The following PDE8B variants were observed in gnomAD, a reference collection of about 807,000 sequenced individuals.
The protein encoded by PDE8B is high affinity cAMP-specific and IBMX-insensitive 3',5'-cyclic phosphodiesterase 8B.
Under a neutral mutation model 101.3 loss-of-function variants are expected in PDE8B, and 26 were observed. That is an observed-to-expected ratio of 0.26 (90% CI 0.19 to 0.36). The LOEUF is 0.36. Among genes scored for constraint, PDE8B ranks in the 10% least tolerant of loss-of-function variants. The pLI is 1.00. For synonymous variants in PDE8B, 424 were observed against 429.3 expected (o/e 0.99, Z 0.15); for missense variants, 810 against 1,163.1 (o/e 0.70, Z 4.42).
intron 1 of PDE8B, among the ~76,000 whole-genome samples, chr5:77,272,845 G>C (rs536244530): frequency 2.6e-5 from 4 of 152,242 alleles, no homozygotes; most frequent in Admixed American, 1.3e-4. Context: ...TGCTGGGAAG[G>C]GAGGGTGAGA....
intron 1 of PDE8B, among the ~76,000 whole-genome samples, chr5:77,300,985 T>C (rs964528358): frequency 1.3e-5 from 2 of 152,262 alleles, no homozygotes; most frequent in Admixed American, 1.3e-4. Flanking sequence ...GTGAGATTGG[T>C]TTTTAAATGG....
the PDE8B span, among the ~76,000 whole-genome samples, chr5:77,198,326 A>G: frequency 1.3e-5 from 2 of 152,302 alleles, no homozygotes; most frequent in East Asian, 3.9e-4. Flanking sequence ...GTTTGCTTAC[A>G]GCTTTTCAGT....
chr5:77,155,589 GAT>G, the PDE8B span, among the ~76,000 whole-genome samples: 103 of 152,356 alleles, frequency 6.8e-4, no homozygotes, highest in African/African-American at 2.4e-3. Context: ...TTGTGGTAAA[GAT>G]GAAAGGTATG....
the PDE8B span, among the ~76,000 whole-genome samples, chr5:77,109,048 T>C: frequency 6.6e-6 from 1 of 152,210 alleles, no homozygotes; most frequent in Non-Finnish European, 1.5e-5. Flanking sequence ...TTGCCTCTGA[T>C]TATTTGTCTT....
the PDE8B span, among the ~76,000 whole-genome samples, chr5:77,172,382 G>A: frequency 6.6e-6 from 1 of 152,212 alleles, no homozygotes; most frequent in Non-Finnish European, 1.5e-5. Flanking sequence ...AGTCAAAGTT[G>A]GGGTAAGGAG....
chr5:77,428,193 A>AT lies in PDE8B; in HGVS notation c.*1644dup, dbSNP rs1403900310. ...TACTTGTAACTAAATTCCTACAGCC[A>AT]TTTTTCACTCCCAACAGCTGTTTTT... On this transcript the variant is annotated 3_prime_UTR_variant, in exon 22 of 22. Transcript: ENST00000264917. 2 of 152,116 alleles carry AT rather than the reference A, an allele frequency of 1.3e-5. No individual in the cohort carries two copies. The highest frequency in any genetic ancestry group is 6.5e-5 in the Admixed American group (1 of 15,274). The allele number at this position is 152,116 out of a possible 1,614,324, so 9.4% of individuals were successfully genotyped here.
At chr5:77,386,378 G>A (rs989012635) in intron 10 of PDE8B, among the ~76,000 whole-genome samples, 5 of 152,152 alleles carry the variant, frequency 3.3e-5, no homozygotes, top group African/African-American at 7.2e-5. Context: ...ACAGTGGGGC[G>A]TTAAAGTCTC....
At chr5:77,129,210 A>G in the PDE8B span, among the ~76,000 whole-genome samples, 1 of 152,230 alleles carries the variant, frequency 6.6e-6, no homozygotes, top group Admixed American at 6.5e-5. Context: ...AGATGTGATT[A>G]TTAGACTGTC....
At chr5:77,312,128 G>A in intron 2 of PDE8B, 75 bp downstream of exon 2, 2 of 963,634 alleles carry the variant, frequency 2.1e-6, no homozygotes, top group Non-Finnish European at 3.2e-6. Context: ...TTTTGAGATG[G>A]AGCCTCCTTC....
chr5:77,321,924 A>T (rs573259739), intron 2 of PDE8B, among the ~76,000 whole-genome samples: 1 of 152,256 alleles, frequency 6.6e-6, no homozygotes, highest in Non-Finnish European at 1.5e-5. Context: ...AAAAATCATT[A>T]CAGTTCCCAG....
chr5:77,308,602 G>C (rs1771800680), intron 1 of PDE8B, among the ~76,000 whole-genome samples: 1 of 152,162 alleles, frequency 6.6e-6, no homozygotes, highest in Non-Finnish European at 1.5e-5. Flanking sequence ...ATGAGAGAAA[G>C]TCGTAGGGTC....
At chr5:77,093,337 T>A in the PDE8B span, among the ~76,000 whole-genome samples, 1 of 152,240 alleles carries the variant, frequency 6.6e-6, no homozygotes, top group African/African-American at 2.4e-5. Flanking sequence ...AGGAATTTGT[T>A]GGTTTCATCA....
At chr5:77,180,487 G>A in the PDE8B span, 1 of 985,408 alleles carries the variant, frequency 1.0e-6, no homozygotes, top group Non-Finnish European at 1.2e-6. Flanking sequence ...CGCGTGCCAG[G>A]TGAGCCCCCA....
intron 1 of PDE8B, among the ~76,000 whole-genome samples, chr5:77,263,926 A>G (rs957107118): frequency 3.9e-5 from 6 of 152,152 alleles, no homozygotes; most frequent in African/African-American, 9.7e-5. Flanking sequence ...ATTAGCAGTC[A>G]CTACCCATTT....
chr5:77,421,506 C>G (rs947124668), intron 19 of PDE8B, among the ~76,000 whole-genome samples: 8 of 151,982 alleles, frequency 5.3e-5, no homozygotes, highest in Admixed American at 3.3e-4. Flanking sequence ...AAAATAAAAA[C>G]AAAACTGCTG....
intron 1 of PDE8B, among the ~76,000 whole-genome samples, chr5:77,301,935 C>A (rs778455040): frequency 4.6e-5 from 7 of 152,132 alleles, no homozygotes; most frequent in Admixed American, 1.3e-4. Context: ...GAAGTTAAAT[C>A]TCTCTAAGGC....
At chr5:77,375,800 A>T (rs111236146) in intron 10 of PDE8B, among the ~76,000 whole-genome samples, 1 of 152,116 alleles carries the variant, frequency 6.6e-6, no homozygotes, top group African/African-American at 2.4e-5. Context: ...CATATACTTT[A>T]AAAAAATTAT....
chr5:77,264,162 C>T (rs1374141467), intron 1 of PDE8B, among the ~76,000 whole-genome samples: 1 of 152,130 alleles, frequency 6.6e-6, no homozygotes, highest in African/African-American at 2.4e-5. Flanking sequence ...ATGGACATAC[C>T]TCATTTTATT....
At chr5:77,304,794 G>A (rs1770792414) in intron 1 of PDE8B, among the ~76,000 whole-genome samples, 2 of 152,068 alleles carry the variant, frequency 1.3e-5, no homozygotes. Context: ...TGTAACGTAG[G>A]GATATTGTTT....
Sources: gnomAD v4.1 joint callset for allele counts (sites outside exome capture counted in the v4.1 genomes callset) on GRCh38, gnomAD v4.1.1 for gene constraint, MANE v1.5 for transcripts, NCBI Gene and HGNC (gene_info 2026-07-23, HGNC 2026-07-21) for gene names.